ZBTB25: variants seen among roughly 807,000 people sequenced by gnomAD.
ZBTB25 encodes zinc finger and BTB domain-containing protein 25.
A neutral mutation model predicts 34.2 loss-of-function variants in ZBTB25; 20 were observed. The ratio of observed to expected loss-of-function variants is 0.58; its 90% CI spans 0.41 to 0.85. ZBTB25 has a LOEUF of 0.85. ZBTB25 is among the 40% of genes least tolerant of loss of function. ZBTB25 has a pLI of 0.00. For missense variants in ZBTB25, 437 were observed against 521.8 expected, an observed-to-expected ratio of 0.84 and a Z score of 1.58; for synonymous variants, 175 against 186.4, an observed-to-expected ratio of 0.94 and a Z score of 0.50.
At chr14:64,456,929 T>G (rs181937025) in intron 2 of ZBTB25, among the ~76,000 whole-genome samples, 140 of 152,326 alleles carry the variant, frequency 9.2e-4, no homozygotes, top group Middle Eastern at 6.8e-3. Flanking sequence ...TTGGAACTTG[T>G]GTGTATTCAT....
rs2078842193 is a variant in ZBTB25, at chr14:64,484,928, T to G, written c.*1995A>C. On this transcript the variant is annotated 3_prime_UTR_variant, in exon 3 of 3. Transcript: ENST00000608382. ...TGAATTGGTAGAAAAAAGTTTAAGA[T>G]TAGACAAAGTTCTGACCCCAAAGAA... 3 of 910,680 alleles carry G rather than the reference T, an allele frequency of 3.3e-6. No individual in the cohort carries two copies. Among genetic ancestry groups the G allele is most frequent in the Non-Finnish European group, 3.9e-6 (3 of 762,032 alleles). The allele number at this position is 910,680 out of a possible 1,614,324, so 56.4% of individuals were successfully genotyped here.
At chr14:64,504,744 C>T (rs2079610841), upstream of ZBTB25, 2 of 374,516 alleles carry the variant, frequency 5.3e-6, no homozygotes, top group Non-Finnish European at 9.5e-6. Context: ...GCGGCAGGCG[C>T]GGCTGTGCGG....
At position 64,487,655 on chromosome 14, in the gene ZBTB25, G is replaced by A. The variant is rs2078921744; in HGVS notation, c.576C>T (p.Ala192=). Reference sequence around the variant, plus strand: ...CTGGGGGCTTCTGGTGCTCCTCCAGGGCCTGGGTGGCAGGACAGGCCCTCT... The same window carrying A: ...CTGGGGGCTTCTGGTGCTCCTCCAGAGCCTGGGTGGCAGGACAGGCCCTCT... ...DQQRACPATQ[A]LEEHQKPPVS... is the part of the protein sequence containing the mutation. The change falls in exon 3 of 3, where the codon GCC becomes GCT. Residue 192 remains alanine (A), a synonymous_variant. Coordinates refer to ENST00000608382, the MANE Select transcript of ZBTB25 (RefSeq NM_006977.5). The A allele has an allele frequency of 1.2e-5, 19 of 1,605,540 alleles. No individual in the cohort carries two copies. Among genetic ancestry groups the A allele is most frequent in the Non-Finnish European group, 1.5e-5 (18 of 1,176,156 alleles).
chr14:64,491,256 AG>A (rs1469207801), intron 1 of ZBTB25, among the ~76,000 whole-genome samples: 11 of 152,326 alleles, frequency 7.2e-5, no homozygotes, highest in Admixed American at 5.9e-4. Flanking sequence ...GCTTGAGCCC[AG>A]GTATTGGAGA....
At chr14:64,498,756 C>A (rs1896195636) in intron 1 of ZBTB25, among the ~76,000 whole-genome samples, 2 of 152,136 alleles carry the variant, frequency 1.3e-5, no homozygotes, top group African/African-American at 4.8e-5. Flanking sequence ...GCCTCAGCCT[C>A]CCGAGTAGCT....
At chr14:64,470,573 G>C (rs2078659290) in intron 2 of ZBTB25, 1 of 152,366 alleles carries the variant, frequency 6.6e-6, no homozygotes, top group African/African-American at 2.7e-5. Context: ...CTGGGCAACA[G>C]AGCGAGACTC....
rs568813374 is a variant in ZBTB25 at position 64,489,241 on chromosome 14, G to A, written c.173+1120C>T. On this transcript the variant is annotated intron_variant, in intron 2 of 2. Transcript: ENST00000608382. ...TCAGCCTGGGCACCACTGCACTCCA[G>A]CCTGGGTGACAGAGCTAGACTCCGT... Among the ~76,000 whole-genome samples the A allele has an allele frequency of 2.0e-5, 3 of 152,108 alleles. No individual in the cohort carries two copies. The East Asian group carries it at 5.8e-4, about 30-fold the overall frequency.
chr14:64,465,385 C>G (rs1463607959), intron 2 of ZBTB25: 4 of 151,828 alleles, frequency 2.6e-5, no homozygotes, highest in Non-Finnish European at 5.9e-5. Flanking sequence ...CGCGCCGCCC[C>G]GCGCCTCCGG....
chr14:64,489,738 A>G (rs199990814), intron 2 of ZBTB25, among the ~76,000 whole-genome samples: 166 of 150,500 alleles, frequency 1.1e-3, no homozygotes, highest in African/African-American at 3.8e-3. Flanking sequence ...GTTTCACCAT[A>G]TTGGCCAGGC....
chr14:64,480,928 C>CTGCCCCTGGCCAAAATTTTTGG lies in ZBTB25; in HGVS notation c.*5994_*5995insCCAAAAATTTTGGCCAGGGGCA. On this transcript the variant is annotated 3_prime_UTR_variant, in exon 3 of 3. Transcript: ENST00000608382. ...GTGCTGGGATTACAGGTGTGAGCCA[C>CTGCCCCTGGCCAAAATTTTTGG]CACACCCTGCCTTTTTTTTTTTGAG... 6.8e-6 allele frequency: 1 copy of CTGCCCCTGGCCAAAATTTTTGG among 147,614 alleles called. No individual in the cohort carries two copies. The highest frequency in any genetic ancestry group is 2.0e-4 in the East Asian group (1 of 4,926). The allele number at this position is 147,614 out of a possible 1,614,324, so 9.1% of individuals were successfully genotyped here.
At chr14:64,450,363 C>T (rs777916185) in intron 2 of ZBTB25, among the ~76,000 whole-genome samples, 2 of 152,134 alleles carry the variant, frequency 1.3e-5, no homozygotes, top group Admixed American at 6.5e-5. Context: ...AGAAGTGTGC[C>T]CCCACGTTCA....
At position 64,480,176 on chromosome 14, in the gene ZBTB25, A is replaced by T; in HGVS notation, c.*6747T>A. 4.8e-6 allele frequency: 1 copy of T among 206,392 alleles called. No homozygotes were observed. Among genetic ancestry groups the T allele is most frequent in the East Asian group, 1.7e-4 (1 of 5,846 alleles). 12.8% of individuals were successfully genotyped at this position (206,392 alleles called of 1,614,324 possible). A position where few individuals can be genotyped will look rare whatever the true frequency, so the allele number is the denominator to read the frequency against. ...GTCTCTACTAGAAATACAAAAAATTAGCCGAGTGTAGTGGTGGGAACCTGT... is the reference window on the plus strand; with the variant it reads ...GTCTCTACTAGAAATACAAAAAATTTGCCGAGTGTAGTGGTGGGAACCTGT... On this transcript the variant is annotated 3_prime_UTR_variant, in exon 3 of 3. Coordinates refer to ENST00000608382, the MANE Select transcript of ZBTB25 (RefSeq NM_006977.5).
intron 2 of ZBTB25, among the ~76,000 whole-genome samples, chr14:64,490,028 T>A (rs2079021852): frequency 6.7e-6 from 1 of 149,444 alleles, no homozygotes. Flanking sequence ...GCCAACATGG[T>A]GAAACCCTGC....
Position 64,488,042 on chromosome 14 carries a change from T to C in ZBTB25, c.189A>G (p.Ile63Met), listed in dbSNP as rs766357071. Residue 63 changes from isoleucine (I) to methionine (M), a missense_variant, in exon 3 of 3, where the codon ATA becomes ATG. Physicochemically the swap from Ile to Met is conservative, Grantham distance 10 (BLOSUM62 1). Coordinates refer to ENST00000608382, the MANE Select transcript of ZBTB25 (RefSeq NM_006977.5). ...TGTCAGGTTGGATGTCAGTTGGTTG[T>C]ATTTTTATGCATTCACTGTTAAAAA... ...FIHQTSECIK[I>M]QPTDIQPDIF... is the part of the protein sequence containing the mutation. 2 of 1,611,682 alleles carry C rather than the reference T, an allele frequency of 1.2e-6. No individual in the cohort carries two copies. Among genetic ancestry groups the C allele is most frequent in the Non-Finnish European group, 1.7e-6 (2 of 1,178,088 alleles).
In ZBTB25 at chr14:64,455,049, C is replaced by T; in HGVS notation, c.174-5411G>A. 5.9e-6 allele frequency: 4 copies of T among 677,712 alleles called. No individual in the cohort carries two copies. The South Asian group carries it at 6.7e-5, about 11-fold the overall frequency. 42.0% of individuals were successfully genotyped at this position (677,712 alleles called of 1,614,324 possible). On this transcript the variant is annotated intron_variant, in intron 2 of 2. Transcript: ENST00000555220. ...AAGCTATAAAGCAGGAGCTATATAG[C>T]TCTTGCTGTGGACCATCTTGGTGTC...
intron 2 of ZBTB25, among the ~76,000 whole-genome samples, chr14:64,456,410 T>C (rs1398187936): frequency 6.6e-6 from 1 of 152,224 alleles, no homozygotes; most frequent in Admixed American, 6.5e-5. Context: ...TTTCAGAACT[T>C]TATATCTAGG....
At chr14:64,477,105 T>A (rs965748078), downstream of ZBTB25, among the ~76,000 whole-genome samples, 1 of 152,224 alleles carries the variant, frequency 6.6e-6, no homozygotes, top group Non-Finnish European at 1.5e-5. Context: ...CTTAGTTTAA[T>A]CCTGACTAAT....
intron 2 of ZBTB25, chr14:64,459,871 AT>A: frequency 6.5e-7 from 1 of 1,536,098 alleles, no homozygotes; most frequent in Non-Finnish European, 8.7e-7. Flanking sequence ...TGCCCAGAAG[AT>A]CTGAAACTAA....
At chr14:64,501,994 G>A (rs2079513528) in intron 1 of ZBTB25, among the ~76,000 whole-genome samples, 1 of 152,218 alleles carries the variant, frequency 6.6e-6, no homozygotes. Flanking sequence ...TTGGACTTGA[G>A]AGATAAGCGA....
Sources: allele counts gnomAD v4.1 joint callset (sites outside exome capture counted in the v4.1 genomes callset), GRCh38; gene constraint gnomAD v4.1.1; transcripts MANE v1.5; gene names NCBI Gene and HGNC (gene_info 2026-07-23, HGNC 2026-07-21).